Variants in KIAA0825 observed in about 807,000 individuals in gnomAD.
The protein encoded by KIAA0825 is KIAA0825.
KIAA0825 carries 119 observed loss-of-function variants against 147.6 expected under a neutral mutation model. The ratio of observed to expected loss-of-function variants is 0.81; its 90% CI spans 0.69 to 0.94. The LOEUF (loss-of-function observed/expected upper bound fraction) is 0.94, where lower values mean the gene tolerates loss of function less well. Ranked by LOEUF, KIAA0825 falls within the 40% of genes least tolerant of loss-of-function variation. The pLI, the probability that KIAA0825 is intolerant of heterozygous loss-of-function variation, is 0.00. For missense variants in KIAA0825, 1,381 were observed against 1,472.7 expected (o/e 0.94, Z 1.02); for synonymous variants, 470 against 518.1 (o/e 0.91, Z 1.26).
intron 20 of KIAA0825, among the ~76,000 whole-genome samples, chr5:94,291,101 A>G (rs1034396629): frequency 6.6e-6 from 1 of 152,054 alleles, no homozygotes; most frequent in African/African-American, 2.4e-5. Context: ...CACTCTGATG[A>G]TAGTTTCTTT....
chr5:94,396,448 A>C lies in KIAA0825; in HGVS notation c.2949T>G (p.Ile983Met), dbSNP rs1750663914. Reference protein sequence around the residue: ...SIVISKLPTVIACLPPPVKYF... With the variant: ...SIVISKLPTVMACLPPPVKYF... ...ATTTAACTGGGGGAGGCAAACATGC[A>C]ATCACCGTAGGTAACTTGCTGATTA... The change falls in exon 17 of 21, where the codon ATT becomes ATG. Residue 983 changes from isoleucine (I) to methionine (M), a missense_variant. By Grantham distance (10) the Ile-to-Met change is conservative. Coordinates refer to ENST00000682413, the MANE Select transcript of KIAA0825 (RefSeq NM_001145678.3). The C allele has an allele frequency of 1.3e-6, 2 of 1,542,294 alleles. No homozygotes were observed. The highest frequency in any genetic ancestry group is 4.9e-5 in the East Asian group (2 of 40,904).
chr5:94,557,169 A>G (rs1391881669), intron 2 of KIAA0825, among the ~76,000 whole-genome samples: 1 of 152,150 alleles, frequency 6.6e-6, no homozygotes, highest in Non-Finnish European at 1.5e-5. Flanking sequence ...GCCTAAGTGC[A>G]GTGGCACGAT....
At chr5:94,206,245 TTA>T (rs1271745616) in intron 20 of KIAA0825, among the ~76,000 whole-genome samples, 6 of 152,180 alleles carry the variant, frequency 3.9e-5, no homozygotes, top group Non-Finnish European at 5.9e-5. Flanking sequence ...CTTCATTTCT[TTA>T]TGAGTTTTCC....
intron 20 of KIAA0825, among the ~76,000 whole-genome samples, chr5:94,300,779 AT>A (rs1363357121): frequency 6.6e-6 from 1 of 152,194 alleles, no homozygotes; most frequent in African/African-American, 2.4e-5. Context: ...TAGACTTTAA[AT>A]AAAGAAGCAA....
In KIAA0825 at chr5:94,452,886, T is replaced by C. The variant is rs149654465; in HGVS notation, c.2357+73A>G. 3.1e-4 allele frequency: 241 copies of C among 769,476 alleles called. 2 individuals are homozygous for C. In the East Asian group the frequency reaches 7.6e-3, roughly 24 times the overall value. 47.7% of individuals were successfully genotyped at this position (769,476 alleles called of 1,614,324 possible). ...TAAGATATAAGTTCGTTTACATCCA[T>C]TGATAAAAATTTCTATTAAATTTTA... is the stretch of plus-strand genomic sequence containing the variant. On this transcript the variant is annotated intron_variant, in intron 13 of 20. Coordinates refer to ENST00000682413, the MANE Select transcript of KIAA0825 (RefSeq NM_001145678.3).
Position 94,215,781 on chromosome 5 carries a change from C to T in KIAA0825, c.3711-61657G>A, listed in dbSNP as rs576506498. ...CCTGGTTGCCCTCCTACTCTTAGCT[C>T]CTCCTCCATCTGTCTCTAGCCCTCT... On this transcript the variant is annotated intron_variant, in intron 20 of 20. Coordinates refer to ENST00000682413, the MANE Select transcript of KIAA0825 (RefSeq NM_001145678.3). 1.2e-4 allele frequency among the ~76,000 whole-genome samples: 19 copies of T among 152,210 alleles called. 1 individual carries two copies. The South Asian group carries it at 3.9e-3, about 32-fold the overall frequency.
intron 2 of KIAA0825, among the ~76,000 whole-genome samples, chr5:94,539,800 G>A (rs1398642719): frequency 6.6e-6 from 1 of 152,074 alleles, no homozygotes; most frequent in Non-Finnish European, 1.5e-5. Context: ...TAAGATTTAG[G>A]GGTTAGAGGC....
intron 14 of KIAA0825, among the ~76,000 whole-genome samples, chr5:94,427,270 A>C (rs1446990193): frequency 1.3e-5 from 2 of 152,206 alleles, no homozygotes; most frequent in Admixed American, 1.3e-4. Flanking sequence ...ATGGTGGCTC[A>C]TGCCTGTAAT....
intron 20 of KIAA0825, among the ~76,000 whole-genome samples, chr5:94,318,561 G>C (rs911973190): frequency 2.0e-4 from 31 of 151,960 alleles, no homozygotes; most frequent in African/African-American, 7.2e-4. Flanking sequence ...AGCCAGACTG[G>C]TTCCACCAAT....
intron 20 of KIAA0825, among the ~76,000 whole-genome samples, chr5:94,185,859 C>T (rs1770072696): frequency 6.6e-6 from 1 of 152,122 alleles, no homozygotes; most frequent in African/African-American, 2.4e-5. Context: ...TTCTTTGCAT[C>T]TTAGTTTTCT....
chr5:94,596,301 G>C (rs1287587159), intron 1 of KIAA0825, among the ~76,000 whole-genome samples: 1 of 152,074 alleles, frequency 6.6e-6, no homozygotes, highest in African/African-American at 2.4e-5. Context: ...TCTGCATATG[G>C]CTAGCCAGTT....
At chr5:94,552,669 A>G (rs1269477194) in intron 2 of KIAA0825, among the ~76,000 whole-genome samples, 1 of 152,264 alleles carries the variant, frequency 6.6e-6, no homozygotes, top group African/African-American at 2.4e-5. Flanking sequence ...TGGGTGAAGA[A>G]AGATATTATG....
At chr5:94,363,677 G>C in intron 20 of KIAA0825, among the ~76,000 whole-genome samples, 1 of 152,174 alleles carries the variant, frequency 6.6e-6, no homozygotes, top group East Asian at 1.9e-4. Flanking sequence ...CTTGAGGCCA[G>C]ATGCAAGAAC....
At chr5:94,348,044 T>C (rs1389312381) in intron 20 of KIAA0825, among the ~76,000 whole-genome samples, 2 of 151,900 alleles carry the variant, frequency 1.3e-5, no homozygotes, top group Non-Finnish European at 2.9e-5. Flanking sequence ...AAGAAAGAAA[T>C]TCAGAGCTCG....
intron 20 of KIAA0825, among the ~76,000 whole-genome samples, chr5:94,340,742 G>A (rs1196243841): frequency 6.6e-6 from 1 of 152,134 alleles, no homozygotes; most frequent in African/African-American, 2.4e-5. Context: ...AGCTATACCT[G>A]TCTAACTTGA....
At chr5:94,310,821 G>T (rs1453032971) in intron 20 of KIAA0825, among the ~76,000 whole-genome samples, 1 of 151,454 alleles carries the variant, frequency 6.6e-6, no homozygotes, top group African/African-American at 2.4e-5. Flanking sequence ...GAAAGTGAAG[G>T]CTCCTAAGTT....
chr5:94,179,820 A>G (rs982912520), intron 20 of KIAA0825, among the ~76,000 whole-genome samples: 1 of 152,268 alleles, frequency 6.6e-6, no homozygotes, highest in Admixed American at 6.5e-5. Context: ...GCATTGGATT[A>G]TAACCAAATA....
At chr5:94,319,092 G>C (rs1239627155) in intron 20 of KIAA0825, among the ~76,000 whole-genome samples, 1 of 151,928 alleles carries the variant, frequency 6.6e-6, no homozygotes, top group Non-Finnish European at 1.5e-5. Flanking sequence ...GACTGACAAG[G>C]ATAGGGATGT....
chr5:94,290,912 T>C (rs1777859774), intron 20 of KIAA0825, among the ~76,000 whole-genome samples: 1 of 152,250 alleles, frequency 6.6e-6, no homozygotes, highest in South Asian at 2.1e-4. Flanking sequence ...CATATGTTTC[T>C]TGGCCACATG....
Sources: gnomAD v4.1 joint callset for allele counts (sites outside exome capture counted in the v4.1 genomes callset) on GRCh38, gnomAD v4.1.1 for gene constraint, MANE v1.5 for transcripts, NCBI Gene and HGNC (gene_info 2026-07-23, HGNC 2026-07-21) for gene names.